NRG1: variants seen among roughly 807,000 people sequenced by gnomAD.
NRG1 encodes the protein neuregulin 1, also known as pro-neuregulin-1, membrane-bound isoform.
A neutral mutation model predicts 63.8 loss-of-function variants in NRG1; 18 were observed. That is an observed-to-expected ratio of 0.28 (90% CI 0.19 to 0.42). NRG1 has a LOEUF of 0.42. Ranked by LOEUF, NRG1 falls within the 10% of genes least tolerant of loss-of-function variation. The pLI is 1.00. For missense variants in NRG1, 762 were observed against 814.7 expected (o/e 0.94, Z 0.79); for synonymous variants, 302 against 301.3 (o/e 1.00, Z -0.02).
chr8:32,367,170 C>T (rs1023929920), intron 1 of NRG1, among the ~76,000 whole-genome samples: 145 of 152,250 alleles, frequency 9.5e-4, no homozygotes, highest in African/African-American at 3.4e-3. Flanking sequence ...GGGTTTGCTA[C>T]ATGATATGAT....
chr8:32,715,421 T>C (rs552497737), intron 5 of NRG1, among the ~76,000 whole-genome samples: 7 of 152,238 alleles, frequency 4.6e-5, no homozygotes, highest in African/African-American at 1.7e-4. Context: ...ATGCTAGGCA[T>C]GAAAGGCATG....
intron 1 of NRG1, among the ~76,000 whole-genome samples, chr8:32,331,339 C>T (rs371559940): frequency 1.4e-4 from 17 of 122,146 alleles, no homozygotes; most frequent in Admixed American, 1.9e-4. Context: ...GGCAACATGG[C>T]GAAACTCCCA....
intron 1 of NRG1, among the ~76,000 whole-genome samples, chr8:32,301,549 A>T (rs1229868082): frequency 6.6e-6 from 1 of 152,228 alleles, no homozygotes; most frequent in African/African-American, 2.4e-5. Context: ...TGATAAAGAC[A>T]TACCCAAGAC....
At chr8:31,906,519 A>G (rs1448446869) in intron 1 of NRG1, among the ~76,000 whole-genome samples, 1 of 152,178 alleles carries the variant, frequency 6.6e-6, no homozygotes, top group Non-Finnish European at 1.5e-5. Context: ...CCTAAGACTG[A>G]ACAGAATCAC....
chr8:31,889,803 A>G (rs910060589), intron 1 of NRG1, among the ~76,000 whole-genome samples: 2 of 152,188 alleles, frequency 1.3e-5, no homozygotes, highest in Admixed American at 6.5e-5. Flanking sequence ...TGCCCTAGTT[A>G]TGGGAGTTGG....
At chr8:32,542,447 A>C (rs1319014702) in intron 1 of NRG1, among the ~76,000 whole-genome samples, 1 of 152,230 alleles carries the variant, frequency 6.6e-6, no homozygotes, top group Non-Finnish European at 1.5e-5. Flanking sequence ...CATTCACCAA[A>C]AAGTGTAAAG....
chr8:32,179,915 G>A (rs1214669949), intron 1 of NRG1, among the ~76,000 whole-genome samples: 1 of 151,704 alleles, frequency 6.6e-6, no homozygotes, highest in Non-Finnish European at 1.5e-5. Context: ...GACTAAACAC[G>A]AAGGTTTGAA....
chr8:32,258,447 G>A (rs1849988874), intron 1 of NRG1, among the ~76,000 whole-genome samples: 1 of 152,126 alleles, frequency 6.6e-6, no homozygotes, highest in Non-Finnish European at 1.5e-5. Flanking sequence ...CAAGAAAAAT[G>A]AGCTTCTGTA....
intron 2 of NRG1, among the ~76,000 whole-genome samples, chr8:32,603,768 C>T (rs780640239): frequency 1.3e-5 from 2 of 152,184 alleles, no homozygotes; most frequent in Non-Finnish European, 2.9e-5. Context: ...AGCCACTGCT[C>T]CCAGCCGTGA....
At chr8:32,407,298 A>AT (rs1371463391) in intron 1 of NRG1, among the ~76,000 whole-genome samples, 3 of 43,518 alleles carry the variant, frequency 6.9e-5, no homozygotes, top group African/African-American at 2.0e-4. Flanking sequence ...TATATATTAT[A>AT]TATATATATA....
intron 1 of NRG1, among the ~76,000 whole-genome samples, chr8:32,472,782 G>A (rs1441590420): frequency 2.0e-5 from 3 of 152,290 alleles, no homozygotes; most frequent in South Asian, 2.1e-4. Context: ...GTTGTCGTGC[G>A]GGTTCCCCAC....
intron 1 of NRG1, among the ~76,000 whole-genome samples, chr8:32,087,847 G>A (rs1363317069): frequency 6.6e-6 from 1 of 152,142 alleles, no homozygotes; most frequent in Non-Finnish European, 1.5e-5. Flanking sequence ...TCTTGACTGG[G>A]TTATTTCCTT....
chr8:31,924,350 C>CAA (rs5890605), intron 1 of NRG1, among the ~76,000 whole-genome samples: 2 of 145,738 alleles, frequency 1.4e-5, no homozygotes, highest in Non-Finnish European at 1.5e-5. Context: ...GACTCCATCT[C>CAA]AAAAAAAAAA....
chr8:32,064,762 T>C (rs1025289540), intron 1 of NRG1, among the ~76,000 whole-genome samples: 2 of 152,144 alleles, frequency 1.3e-5, no homozygotes, highest in Non-Finnish European at 2.9e-5. Context: ...TTTACTACCT[T>C]TGACAGCTCT....
intron 1 of NRG1, among the ~76,000 whole-genome samples, chr8:31,951,717 G>T (rs1211999215): frequency 3.3e-5 from 5 of 151,996 alleles, no homozygotes; most frequent in Non-Finnish European, 5.9e-5. Flanking sequence ...ACTTCCCCTG[G>T]GATGGTGAGC....
chr8:32,202,383 G>A (rs1165037447), intron 1 of NRG1, among the ~76,000 whole-genome samples: 1 of 152,194 alleles, frequency 6.6e-6, no homozygotes, highest in Non-Finnish European at 1.5e-5. Context: ...GAACATGCAG[G>A]TGCACAGGAG....
intron 1 of NRG1, among the ~76,000 whole-genome samples, chr8:32,322,130 A>T (rs1251026304): frequency 6.6e-6 from 1 of 151,986 alleles, no homozygotes; most frequent in Admixed American, 6.6e-5. Flanking sequence ...GTGCACAGTG[A>T]TCATGCCTGT....
At chr8:32,600,290 C>T (rs960386143) in intron 2 of NRG1, among the ~76,000 whole-genome samples, 3 of 151,556 alleles carry the variant, frequency 2.0e-5, no homozygotes, top group Admixed American at 6.6e-5. Flanking sequence ...GTCCTTTTCA[C>T]GATGATCAGT....
chr8:31,803,941 C>A (rs1399516924), intron 1 of NRG1, among the ~76,000 whole-genome samples: 1 of 152,192 alleles, frequency 6.6e-6, no homozygotes, highest in East Asian at 1.9e-4. Flanking sequence ...CTTCTCCTAG[C>A]TGTTTACAGC....
Sources: gnomAD v4.1 joint callset for allele counts (sites outside exome capture counted in the v4.1 genomes callset) on GRCh38, gnomAD v4.1.1 for gene constraint, MANE v1.5 for transcripts, NCBI Gene and HGNC (gene_info 2026-07-23, HGNC 2026-07-21) for gene names.